Variants in EXD2 observed in about 807,000 individuals in gnomAD.
EXD2 encodes exonuclease 3'-5' domain containing 2.
A neutral mutation model predicts 62.5 loss-of-function variants in EXD2; 40 were observed. The observed-to-expected ratio is 0.64, with a 90% CI of 0.50 to 0.83. The LOEUF (loss-of-function observed/expected upper bound fraction) is 0.83. Ranked by LOEUF, EXD2 falls within the 40% of genes least tolerant of loss-of-function variation. The probability of loss-of-function intolerance (pLI) is 0.00; values close to 1 mark genes in which losing one functional copy is unlikely to be tolerated. For synonymous variants in EXD2, 239 were observed against 291.9 expected (o/e 0.82, Z 1.85); for missense variants, 671 against 761.8 (o/e 0.88, Z 1.40).
In EXD2 at chr14:69,242,499, G is replaced by A. The variant is rs548527151; in HGVS notation, c.*1399G>A. The stretch of plus-strand genomic sequence containing the variant: ...GGATATACCAGACACAGTCACCATC[G>A]GCCATCAGTAGCAGCCCATGAACCC... On this transcript the variant is annotated 3_prime_UTR_variant, in exon 10 of 10. Transcript: ENST00000685843. 220 of 153,444 alleles carry A rather than the reference G, an allele frequency of 1.4e-3. 5 individuals carry two copies. The South Asian group carries it at 0.028, about 20-fold the overall frequency. The allele number at this position is 153,444 out of a possible 1,614,324, so 9.5% of individuals were successfully genotyped here.
In EXD2 at chr14:69,234,873, G is replaced by A; in HGVS notation, c.891G>A (p.Met297Ile). 6.2e-7 allele frequency: 1 copy of A among 1,614,232 alleles called. No individual in the cohort carries two copies. Among genetic ancestry groups the A allele is most frequent in the Non-Finnish European group, 8.5e-7 (1 of 1,180,042 alleles). ...ACATCCCATTTCGAAGCAAAGGAATGAGCAGATTGGGAGAAGAGGTTAATG... is the reference window on the plus strand; with the variant it reads ...ACATCCCATTTCGAAGCAAAGGAATAAGCAGATTGGGAGAAGAGGTTAATG... ...VVDIPFRSKG[M>I]SRLGEEVNGE... The change falls in exon 6 of 10, where the codon ATG (methionine) becomes ATA (isoleucine). Residue 297 changes from methionine to isoleucine, a missense_variant. Physicochemically the swap from Met to Ile is conservative, Grantham distance 10. Coordinates refer to ENST00000685843, the MANE Select transcript of EXD2 (RefSeq NM_001193360.2).
intron 3 of EXD2, among the ~76,000 whole-genome samples, chr14:69,220,245 GTCTC>G (rs1405408945): frequency 1.2e-5 from 1 of 85,258 alleles, no homozygotes; most frequent in African/African-American, 4.7e-5. Flanking sequence ...CAAGTGTTTT[GTCTC>G]TCTGTTTTTT....
At chr14:69,239,729 G>A (rs2043919218) in intron 9 of EXD2, among the ~76,000 whole-genome samples, 1 of 152,186 alleles carries the variant, frequency 6.6e-6, no homozygotes, top group African/African-American at 2.4e-5. Flanking sequence ...TGTTTTGTAA[G>A]TAGCTGGGAT....
At chr14:69,194,476 C>T (rs1313404837) in intron 1 of EXD2, among the ~76,000 whole-genome samples, 2 of 151,506 alleles carry the variant, frequency 1.3e-5, no homozygotes, top group Non-Finnish European at 2.9e-5. Flanking sequence ...CGAAATGCCA[C>T]ACTTACCATG....
chr14:69,241,991 AT>A lies in EXD2; in HGVS notation c.*894del, dbSNP rs1173568060. Reference sequence around the variant, plus strand: ...TCCCCTGTATTCTGTGCTTCATCGAATTTGCAAGACTGACCTCTTTTAAGCA... The same window carrying A: ...TCCCCTGTATTCTGTGCTTCATCGAATTGCAAGACTGACCTCTTTTAAGCA... On this transcript the variant is annotated 3_prime_UTR_variant, in exon 10 of 10. Transcript: ENST00000685843. 2.3e-5 allele frequency: 9 copies of A among 398,430 alleles called. No homozygotes were observed. The highest frequency in any genetic ancestry group is 3.5e-5 in the Non-Finnish European group (8 of 226,062). 24.7% of individuals were successfully genotyped at this position (398,430 alleles called of 1,614,324 possible).
intron 4 of EXD2, among the ~76,000 whole-genome samples, chr14:69,229,284 G>A (rs1273161741): frequency 6.6e-6 from 1 of 152,158 alleles, no homozygotes; most frequent in Non-Finnish European, 1.5e-5. Flanking sequence ...ACATTACTGA[G>A]GGATCTCTGT....
intron 1 of EXD2, among the ~76,000 whole-genome samples, chr14:69,200,757 C>T (rs1356042696): frequency 6.7e-6 from 1 of 150,280 alleles, no homozygotes; most frequent in Non-Finnish European, 1.5e-5. Context: ...ATATATTTTA[C>T]CACGATAAAG....
intron 3 of EXD2, 65 bp from the exon 4 acceptor site, chr14:69,228,751 A>G: frequency 6.5e-7 from 1 of 1,540,248 alleles, no homozygotes; most frequent in South Asian, 1.2e-5. Context: ...TTTTTGTCAC[A>G]GTTATATGTT....
rs2043530933 is a variant in EXD2 at position 69,230,464 on chromosome 14, T to G, written c.591-8T>G. 1 of 1,581,242 alleles carries G rather than the reference T, an allele frequency of 6.3e-7. No individual in the cohort carries two copies. The highest frequency in any genetic ancestry group is 1.4e-5 in the African/African-American group (1 of 73,416). The stretch of plus-strand genomic sequence containing the variant: ...TTTTTGATGCATGGTTTTCTTTGTT[T>G]CTTTTAGAAACAATTTGCTCTGTAA... On this transcript the variant is annotated splice_region_variant and splice_polypyrimidine_tract_variant and intron_variant, in intron 4 of 9. Transcript: ENST00000685843.
intron 1 of EXD2, among the ~76,000 whole-genome samples, chr14:69,202,200 C>T (rs959689963): frequency 2.4e-4 from 36 of 151,972 alleles, no homozygotes; most frequent in African/African-American, 6.0e-4. Flanking sequence ...GGCAAAACCC[C>T]GTTTCTACCA....
intron 3 of EXD2, chr14:69,210,051 G>A (rs1189339074): frequency 1.5e-5 from 5 of 326,714 alleles, no homozygotes; most frequent in Non-Finnish European, 2.3e-5. Flanking sequence ...TTATCATTCC[G>A]TGAACTTGGA....
At chr14:69,210,523 T>C (rs1433646434) in intron 3 of EXD2, among the ~76,000 whole-genome samples, 3 of 152,318 alleles carry the variant, frequency 2.0e-5, no homozygotes, top group Non-Finnish European at 4.4e-5. Context: ...GTTATGCTTA[T>C]GCTGAGTGTG....
At chr14:69,193,750 G>A (rs960921579) in intron 1 of EXD2, among the ~76,000 whole-genome samples, 1 of 151,964 alleles carries the variant, frequency 6.6e-6, no homozygotes, top group Non-Finnish European at 1.5e-5. Context: ...TTTGTATTTT[G>A]TGGCTATCAT....
chr14:69,222,873 T>A (rs964101175), intron 3 of EXD2, among the ~76,000 whole-genome samples: 4 of 152,182 alleles, frequency 2.6e-5, no homozygotes, highest in Non-Finnish European at 4.4e-5. Flanking sequence ...TGTACAAATA[T>A]GATGGTAAGT....
chr14:69,212,598 C>G (rs2042844478), intron 3 of EXD2, among the ~76,000 whole-genome samples: 1 of 151,014 alleles, frequency 6.6e-6, no homozygotes, highest in African/African-American at 2.4e-5. Context: ...GTTCACTGAA[C>G]CTCGAACTCA....
chr14:69,205,222 A>T (rs565681297), intron 2 of EXD2, among the ~76,000 whole-genome samples: 6 of 152,038 alleles, frequency 3.9e-5, no homozygotes, highest in East Asian at 3.9e-4. Context: ...CTGTTTTAAA[A>T]TTTTTTTTAG....
chr14:69,235,353 ATTCC>A (rs1290149738), intron 6 of EXD2, among the ~76,000 whole-genome samples: 1 of 152,220 alleles, frequency 6.6e-6, no homozygotes, highest in Non-Finnish European at 1.5e-5. Flanking sequence ...TATAATTATC[ATTCC>A]TTCCTTGTTT....
chr14:69,215,761 A>T (rs2331954), intron 3 of EXD2, among the ~76,000 whole-genome samples: 116,216 of 151,810 alleles, frequency 0.77, 45,920 homozygotes, highest in East Asian at 1. Flanking sequence ...TTGTATTTTA[A>T]TGGTCATTTA....
intron 9 of EXD2, 43 bp downstream of exon 9, chr14:69,237,974 C>T: frequency 6.7e-7 from 1 of 1,490,578 alleles, no homozygotes; most frequent in Non-Finnish European, 9.0e-7. Context: ...GGACATTAAC[C>T]CTCATTACTT....
Sources: allele counts gnomAD v4.1 joint callset (sites outside exome capture counted in the v4.1 genomes callset), GRCh38; gene constraint gnomAD v4.1.1; transcripts MANE v1.5; gene names NCBI Gene and HGNC (gene_info 2026-07-23, HGNC 2026-07-21).